Variants in CDC5L observed in about 807,000 individuals in gnomAD.
CDC5L encodes the protein cell division cycle 5 like.
In CDC5L, 18 loss-of-function variants were observed where a neutral mutation model predicts 104.1. That is an observed-to-expected ratio of 0.17 (90% CI 0.12 to 0.26). The LOEUF (loss-of-function observed/expected upper bound fraction) is 0.26, where lower values mean the gene tolerates loss of function less well. CDC5L is among the 10% of genes least tolerant of loss of function. The pLI is 1.00. For missense variants in CDC5L, 673 were observed against 956.9 expected (o/e 0.70, Z 3.91); for synonymous variants, 331 against 322.7 (o/e 1.03, Z -0.28).
chr6:44,403,844 G>A lies in CDC5L; in HGVS notation c.575G>A (p.Arg192Gln), dbSNP rs2153376719. Residue 192 changes from arginine (R) to glutamine (Q), a missense_variant, in exon 6 of 16, where the codon CGA (arginine) becomes CAA (glutamine). Coordinates refer to ENST00000371477, the MANE Select transcript of CDC5L (RefSeq NM_001253.4). ...GCCCTCCAAAAAAGAAGAGAACTTC[G>A]AGCAGCTGGCATAGAAATTCAGAAG... Reference protein sequence around the residue: ...LAALQKRRELRAAGIEIQKKR... With the variant: ...LAALQKRRELQAAGIEIQKKR... The A allele has an allele frequency of 8.7e-6, 14 of 1,611,378 alleles. No homozygotes were observed. The highest frequency in any genetic ancestry group is 1.2e-5 in the Non-Finnish European group (14 of 1,179,254).
intron 3 of CDC5L, 34 bp downstream of exon 3, chr6:44,392,862 TG>T (rs1790681527): frequency 3.2e-6 from 5 of 1,577,176 alleles, no homozygotes; most frequent in Non-Finnish European, 4.3e-6. Flanking sequence ...ATAGAATATA[TG>T]TATATGTTCT....
At chr6:44,403,273 G>T (rs1451123229) in intron 5 of CDC5L, among the ~76,000 whole-genome samples, 1 of 150,592 alleles carries the variant, frequency 6.6e-6, no homozygotes, top group Non-Finnish European at 1.5e-5. Flanking sequence ...TTAGTTACCT[G>T]CATTTTTTGC....
chr6:44,445,912 G>A lies in CDC5L; in HGVS notation c.2304+45G>A, dbSNP rs371495331. ...TGTTGTTTAAAAAGAGTGCTGCAAAGAATTATCAGGGCTGTCCTCTTTTAC... is the reference window on the plus strand; with the variant it reads ...TGTTGTTTAAAAAGAGTGCTGCAAAAAATTATCAGGGCTGTCCTCTTTTAC... On this transcript the variant is annotated intron_variant, in intron 15 of 15. Coordinates refer to ENST00000371477, the MANE Select transcript of CDC5L (RefSeq NM_001253.4). 8.0e-5 allele frequency: 112 copies of A among 1,406,908 alleles called. No individual in the cohort carries two copies. In the African/African-American group the frequency reaches 1.3e-3, roughly 16 times the overall value. The allele number at this position is 1,406,908 out of a possible 1,614,324, so 87.2% of individuals were successfully genotyped here.
In CDC5L at chr6:44,437,327, C is replaced by G. The variant is rs148609839; in HGVS notation, c.2091+7417C>G. ...GTCATAGGTTGAGCATTTTACAAAG[C>G]ATGCAGATACCCTCCTTTGTGTTTT... On this transcript the variant is annotated intron_variant, in intron 14 of 15. Coordinates refer to ENST00000371477, the MANE Select transcript of CDC5L (RefSeq NM_001253.4). 1.4e-3 allele frequency among the ~76,000 whole-genome samples: 210 copies of G among 152,272 alleles called. 2 individuals are homozygous for G. Among genetic ancestry groups the G allele is most frequent in the African/African-American group, 4.8e-3 (199 of 41,548 alleles).
intron 14 of CDC5L, among the ~76,000 whole-genome samples, chr6:44,444,036 G>A (rs549087919): frequency 6.6e-5 from 10 of 152,144 alleles, no homozygotes; most frequent in Non-Finnish European, 1.3e-4. Context: ...TATTTGTTCA[G>A]ACTGTTGTCT....
chr6:44,430,317 A>G lies in CDC5L; in HGVS notation c.2091+407A>G, dbSNP rs552831303. Among the ~76,000 whole-genome samples, 4 of 151,482 alleles carry G rather than the reference A, an allele frequency of 2.6e-5. 1 individual carries two copies. Among genetic ancestry groups the G allele is most frequent in the South Asian group, 4.2e-4 (2 of 4,782 alleles). On this transcript the variant is annotated intron_variant, in intron 14 of 15. Transcript: ENST00000371477. ...TTTCTTTTTATAACAAAGAGAGTAC[A>G]TTTACAAAACTTAAATACAATTCTG...
chr6:44,437,314 G>A (rs1018312397), intron 14 of CDC5L, among the ~76,000 whole-genome samples: 2 of 152,168 alleles, frequency 1.3e-5, no homozygotes, highest in African/African-American at 4.8e-5. Context: ...CATAGGTTGA[G>A]CATTTTACAA....
chr6:44,427,996 T>C (rs914306509), intron 13 of CDC5L, among the ~76,000 whole-genome samples: 3 of 152,220 alleles, frequency 2.0e-5, no homozygotes, highest in Non-Finnish European at 4.4e-5. Context: ...GCTTAAATAT[T>C]CTCTCATATT....
At chr6:44,395,493 A>G (rs4711782) in intron 4 of CDC5L, among the ~76,000 whole-genome samples, 1 of 152,174 alleles carries the variant, frequency 6.6e-6, no homozygotes, top group African/African-American at 2.4e-5. Context: ...TTCTTGCGAG[A>G]TGGGGAATAC....
At position 44,449,748 on chromosome 6, in the gene CDC5L, T is replaced by C. The variant is rs2153385247; in HGVS notation, c.*3037T>C. ...AACTACACTACAGTGACTGCAGACT[T>C]AATGTTGGCCAACCATGCATCCTCC... On this transcript the variant is annotated 3_prime_UTR_variant, in exon 16 of 16. Coordinates refer to ENST00000371477, the MANE Select transcript of CDC5L (RefSeq NM_001253.4). The C allele has an allele frequency of 6.6e-6, 1 of 152,292 alleles. No individual in the cohort carries two copies. Among genetic ancestry groups the C allele is most frequent in the African/African-American group, 2.4e-5 (1 of 41,588 alleles). 9.4% of individuals were successfully genotyped at this position (152,292 alleles called of 1,614,324 possible).
At position 44,426,600 on chromosome 6, in the gene CDC5L, A is replaced by G; in HGVS notation, c.1769A>G (p.His590Arg). 1 of 1,613,522 alleles carries G rather than the reference A, an allele frequency of 6.2e-7. No homozygotes were observed. Among genetic ancestry groups the G allele is most frequent in the Non-Finnish European group, 8.5e-7 (1 of 1,179,682 alleles). The change falls in exon 13 of 16, where the codon CAC becomes CGC. Residue 590 changes from histidine (H) to arginine (R), a missense_variant. Physicochemically the swap from His to Arg is conservative, Grantham distance 29. Coordinates refer to ENST00000371477, the MANE Select transcript of CDC5L (RefSeq NM_001253.4). Reference protein sequence around the residue: ...ITMLHYDLLHHPYEPSGNKKG... With the variant: ...ITMLHYDLLHRPYEPSGNKKG... ...ATGCTTCATTATGACCTTCTACATC[A>G]CCCTTATGAACCATCTGGAAATAAA...
At position 44,392,754 on chromosome 6, in the gene CDC5L, A is replaced by G. The variant is rs556847454; in HGVS notation, c.237A>G (p.Pro79=). The G allele has an allele frequency of 1.2e-5, 20 of 1,614,216 alleles. 1 individual carries two copies. The South Asian group carries it at 2.2e-4, about 18-fold the overall frequency. Residue 79 remains proline (P), a synonymous_variant, in exon 3 of 16, where the codon CCA becomes CCG. Coordinates refer to ENST00000371477, the MANE Select transcript of CDC5L (RefSeq NM_001253.4). ...TCTTGCACTTGGCCAAGTTGATGCC[A>G]ACTCAGTGGAGGACCATTGCTCCAA... is the stretch of plus-strand genomic sequence containing the variant. The part of the protein sequence containing the change: ...EKLLHLAKLM[P]TQWRTIAPII...
intron 14 of CDC5L, among the ~76,000 whole-genome samples, chr6:44,433,696 A>G (rs116274709): frequency 0.024 from 3,689 of 152,278 alleles, 153 homozygotes; most frequent in African/African-American, 0.083. Flanking sequence ...ACTTCTTAGA[A>G]GTAAAGTAAC....
chr6:44,406,175 T>C (rs1231546764), intron 6 of CDC5L, 148 bp from the exon 7 acceptor site: 10 of 590,186 alleles, frequency 1.7e-5, no homozygotes, highest in Non-Finnish European at 2.9e-5. Flanking sequence ...GTGCTGGGAT[T>C]ACAGGCGTGA....
Position 44,445,403 on chromosome 6 carries a change from C to T in CDC5L, c.2092-252C>T, listed in dbSNP as rs150730894. On this transcript the variant is annotated intron_variant, in intron 14 of 15. Coordinates refer to ENST00000371477, the MANE Select transcript of CDC5L (RefSeq NM_001253.4). ...TCCCATACTGTGACATTCAAGCCCT[C>T]TTTGAAGTTCAATCGTGGGTCAAAT... Among the ~76,000 whole-genome samples the T allele has an allele frequency of 5.3e-5, 8 of 152,280 alleles. 1 individual carries two copies. The East Asian group carries it at 1.5e-3, about 29-fold the overall frequency.
chr6:44,396,524 GT>G (rs75189350), intron 5 of CDC5L, 84 bp downstream of exon 5: 54,849 of 573,844 alleles, frequency 0.096, 49 homozygotes, highest in East Asian at 0.16. Flanking sequence ...CAGATATGTG[GT>G]TTTTTTTTTT....
chr6:44,442,374 G>GTT (rs1328927038), intron 14 of CDC5L, among the ~76,000 whole-genome samples: 1 of 135,778 alleles, frequency 7.4e-6, no homozygotes, highest in Non-Finnish European at 1.5e-5. Context: ...GTGTGTGTAT[G>GTT]TTGTGTGTGT....
Position 44,403,870 on chromosome 6 carries a change from A to G in CDC5L, c.601A>G (p.Lys201Glu). ...AGCAGCTGGCATAGAAATTCAGAAG[A>G]AAAGAAAAAGGAAGAGAGGAGTTGA... ...LRAAGIEIQKKRKRKRGVDYN... is the reference protein window; with the variant it reads ...LRAAGIEIQKERKRKRGVDYN... Residue 201 changes from lysine (K) to glutamate (E), a missense_variant, in exon 6 of 16, where the codon AAA becomes GAA. Physicochemically the swap from Lys to Glu is moderately conservative, Grantham distance 56 (BLOSUM62 1). This residue lies in a region of CDC5L where 578 missense variants were observed against 737.0 expected (regional missense o/e 0.78). Transcript: ENST00000371477. 1.2e-6 allele frequency: 2 copies of G among 1,613,440 alleles called. No homozygotes were observed. Among genetic ancestry groups the G allele is most frequent in the Non-Finnish European group, 1.7e-6 (2 of 1,179,860 alleles).
At chr6:44,412,999 G>C (rs1791724709) in intron 8 of CDC5L, among the ~76,000 whole-genome samples, 1 of 151,194 alleles carries the variant, frequency 6.6e-6, no homozygotes, top group Non-Finnish European at 1.5e-5. Context: ...AGCTGGGATG[G>C]TCTCGATCTC....
Sources: allele counts gnomAD v4.1 joint callset (sites outside exome capture counted in the v4.1 genomes callset), GRCh38; gene constraint gnomAD v4.1.1; regional missense constraint gnomAD v4.1.1; transcripts MANE v1.5; gene names NCBI Gene and HGNC (gene_info 2026-07-23, HGNC 2026-07-21).